Variants in PCDHGA12 observed in about 807,000 individuals in gnomAD.
The protein encoded by PCDHGA12 is protocadherin gamma-A12.
In PCDHGA12, 43 loss-of-function variants were observed where a neutral mutation model predicts 61.1. The observed-to-expected ratio is 0.70, with a 90% CI of 0.55 to 0.91. The LOEUF (loss-of-function observed/expected upper bound fraction) is 0.91. PCDHGA12 is among the 40% of genes least tolerant of loss of function. PCDHGA12 has a pLI of 0.00. For synonymous variants in PCDHGA12, 520 were observed against 542.9 expected, an observed-to-expected ratio of 0.96 and a Z score of 0.59; for missense variants, 1,236 against 1,227.7, an observed-to-expected ratio of 1.01 and a Z score of -0.10.
intron 2 of PCDHGA12, among the ~76,000 whole-genome samples, chr5:141,503,682 G>A (rs1430771639): frequency 1.3e-5 from 2 of 151,974 alleles, no homozygotes; most frequent in South Asian, 4.1e-4. Flanking sequence ...CTTTTGGGAA[G>A]GAGAATTGAG....
chr5:141,431,333 C>T lies in PCDHGA12; in HGVS notation c.574C>T (p.Pro192Ser). 1 of 1,614,058 alleles carries T rather than the reference C, an allele frequency of 6.2e-7. No individual in the cohort carries two copies. Among genetic ancestry groups the T allele is most frequent in the Non-Finnish European group, 8.5e-7 (1 of 1,180,030 alleles). Residue 192 changes from proline (P) to serine (S), a missense_variant, in exon 1 of 4, where the codon CCC becomes TCC. Pro to Ser is a moderately conservative substitution (Grantham distance 74). Coordinates refer to ENST00000252085, the MANE Select transcript of PCDHGA12 (RefSeq NM_003735.3). The surrounding 1 kb of genome is among the most constrained non-coding windows in gnomAD (Gnocchi z 4.8). Reference protein sequence around the residue: ...VQNGADGSKYPELVLKRALDR... With the variant: ...VQNGADGSKYSELVLKRALDR... ...AAATGGAGCCGACGGTAGTAAGTAC[C>T]CCGAATTGGTGCTGAAACGCGCCCT...
intron 1 of PCDHGA12, among the ~76,000 whole-genome samples, chr5:141,494,328 G>T (rs1595238527): frequency 6.6e-6 from 1 of 152,200 alleles, no homozygotes; most frequent in Non-Finnish European, 1.5e-5. Flanking sequence ...CACCAAAAGG[G>T]TTACCAAGAA....
At chr5:141,454,850 C>T (rs1208208678) in intron 1 of PCDHGA12, among the ~76,000 whole-genome samples, 3 of 132,848 alleles carry the variant, frequency 2.3e-5, no homozygotes, top group Non-Finnish European at 4.6e-5. Flanking sequence ...CTCTGTCACC[C>T]AGGCTGGAGT....
At chr5:141,463,103 A>G (rs1235750988) in intron 1 of PCDHGA12, among the ~76,000 whole-genome samples, 1 of 152,206 alleles carries the variant, frequency 6.6e-6, no homozygotes, top group African/African-American at 2.4e-5. Context: ...GTGACCATCA[A>G]GAATTCAGCT....
chr5:141,464,973 TTC>T (rs2154568681), intron 1 of PCDHGA12, among the ~76,000 whole-genome samples: 1 of 152,092 alleles, frequency 6.6e-6, no homozygotes, highest in East Asian at 1.9e-4. Flanking sequence ...AACTACTGGC[TTC>T]AAGTGATCCT....
intron 2 of PCDHGA12, among the ~76,000 whole-genome samples, chr5:141,499,879 G>C (rs1470090790): frequency 9.2e-5 from 14 of 151,952 alleles, no homozygotes. Flanking sequence ...GTACAAACAG[G>C]GTTTCGCCAT....
chr5:141,432,919 C>T lies in PCDHGA12; in HGVS notation c.2160C>T (p.His720=). ...TGGCGCTCAGGCTGCGGCGCTGGCACAAGTCACGCCTGCTGCAGGCTTCAG... is the reference window on the plus strand; with the variant it reads ...TGGCGCTCAGGCTGCGGCGCTGGCATAAGTCACGCCTGCTGCAGGCTTCAG... The part of the protein sequence containing the change: ...LLLALRLRRW[H]KSRLLQASGG... Residue 720 remains histidine (H), a synonymous_variant, in exon 1 of 4, where the codon CAC becomes CAT. Coordinates refer to ENST00000252085, the MANE Select transcript of PCDHGA12 (RefSeq NM_003735.3). The surrounding 1 kb of genome is among the most constrained non-coding windows in gnomAD (Gnocchi z 6.0). The T allele has an allele frequency of 2.5e-6, 4 of 1,614,210 alleles. No individual in the cohort carries two copies. Among genetic ancestry groups the T allele is most frequent in the Non-Finnish European group, 3.4e-6 (4 of 1,180,040 alleles).
chr5:141,483,872 T>A (rs1373802168), intron 1 of PCDHGA12, among the ~76,000 whole-genome samples: 1 of 152,080 alleles, frequency 6.6e-6, no homozygotes, highest in African/African-American at 2.4e-5. Context: ...CAGATCAGGA[T>A]GGATTTTTCT....
intron 2 of PCDHGA12, among the ~76,000 whole-genome samples, chr5:141,504,748 T>A (rs979724181): frequency 7.2e-5 from 11 of 151,880 alleles, no homozygotes; most frequent in Non-Finnish European, 1.3e-4. Context: ...CCATTGAATT[T>A]TAGAAATTTC....
At position 141,431,178 on chromosome 5, in the gene PCDHGA12, T is replaced by A; in HGVS notation, c.419T>A (p.Ile140Lys). 2 of 1,614,078 alleles carry A rather than the reference T, an allele frequency of 1.2e-6. No individual in the cohort carries two copies. Among genetic ancestry groups the A allele is most frequent in the Non-Finnish European group, 1.7e-6 (2 of 1,180,000 alleles). Residue 140 changes from isoleucine to lysine, a missense_variant, in exon 1 of 4, where the codon ATA becomes AAA. Physicochemically the swap from Ile to Lys is moderately radical, Grantham distance 102. Coordinates refer to ENST00000252085, the MANE Select transcript of PCDHGA12 (RefSeq NM_003735.3). This position sits in a 1 kb window ranked among gnomAD's most constrained non-coding sequence, Gnocchi z 4.8. ...TACTTTCGTGAAAGTGAATTAGAAATAAAAATTAGTGAAAATGCAGCCACT... is the reference window on the plus strand; with the variant it reads ...TACTTTCGTGAAAGTGAATTAGAAAAAAAAATTAGTGAAAATGCAGCCACT... ...APYFRESELE[I>K]KISENAATEM... is the part of the protein sequence containing the mutation.
chr5:141,479,466 C>G (rs1004384273), intron 1 of PCDHGA12: 1 of 152,224 alleles, frequency 6.6e-6, no homozygotes, highest in Non-Finnish European at 1.5e-5. Flanking sequence ...AATACAGTGA[C>G]CTCTTGGGAG....
rs2099629540 is a variant in PCDHGA12, at chr5:141,486,436, T to C, written c.2425-8371T>C. 2 of 1,614,188 alleles carry C rather than the reference T, an allele frequency of 1.2e-6. No individual in the cohort carries two copies. The highest frequency in any genetic ancestry group is 1.7e-6 in the Non-Finnish European group (2 of 1,180,020). On this transcript the variant is annotated intron_variant, in intron 1 of 3. Coordinates refer to ENST00000252085, the MANE Select transcript of PCDHGA12 (RefSeq NM_003735.3). This position sits in a 1 kb window ranked among gnomAD's most constrained non-coding sequence, Gnocchi z 5.0. ...TGGATCGAGAGGCCAAATCTAGCTA[T>C]GACATCATGGTCACTGCTTCTGATG... is the stretch of plus-strand genomic sequence containing the variant.
chr5:141,462,656 A>G (rs1427673992), intron 1 of PCDHGA12, among the ~76,000 whole-genome samples: 2 of 151,950 alleles, frequency 1.3e-5, no homozygotes, highest in African/African-American at 4.8e-5. Context: ...ATCCTCAATT[A>G]TCTTCATATT....
intron 1 of PCDHGA12, among the ~76,000 whole-genome samples, chr5:141,446,868 C>T (rs980547855): frequency 6.6e-6 from 1 of 152,160 alleles, no homozygotes; most frequent in Non-Finnish European, 1.5e-5. Flanking sequence ...TAGCTCTACA[C>T]TGGTATGTTT....
chr5:141,462,009 G>A (rs2099028674), intron 1 of PCDHGA12, among the ~76,000 whole-genome samples: 1 of 152,190 alleles, frequency 6.6e-6, no homozygotes, highest in Admixed American at 6.5e-5. Context: ...TTTTAATAGA[G>A]ACGGGGTTTC....
chr5:141,489,112 A>C lies in PCDHGA12; in HGVS notation c.2425-5695A>C. 3 of 412,420 alleles carry C rather than the reference A, an allele frequency of 7.3e-6. No individual in the cohort carries two copies. Among genetic ancestry groups the C allele is most frequent in the South Asian group, 4.2e-5 (1 of 23,838 alleles). The allele number at this position is 412,420 out of a possible 1,614,324, so 25.5% of individuals were successfully genotyped here. ...TGACTAAGAACTGCTGCAAGCAGGC[A>C]AACCTCCGAGCAGTTTTTAAGAGGC... is the stretch of plus-strand genomic sequence containing the variant. On this transcript the variant is annotated intron_variant, in intron 1 of 3. Coordinates refer to ENST00000252085, the MANE Select transcript of PCDHGA12 (RefSeq NM_003735.3). The surrounding 1 kb of genome is among the most constrained non-coding windows in gnomAD (Gnocchi z 4.5).
intron 1 of PCDHGA12, among the ~76,000 whole-genome samples, chr5:141,436,742 G>A (rs568532036): frequency 3.9e-4 from 59 of 152,304 alleles, no homozygotes; most frequent in Non-Finnish European, 7.1e-4. Flanking sequence ...ATTTTTGTGT[G>A]CTTCTCCATA....
chr5:141,457,942 T>C (rs2098933338), intron 1 of PCDHGA12, among the ~76,000 whole-genome samples: 1 of 152,226 alleles, frequency 6.6e-6, no homozygotes, highest in Non-Finnish European at 1.5e-5. Flanking sequence ...TTATTGGCTC[T>C]GCATGTCAAG....
In PCDHGA12 at chr5:141,432,143, C is replaced by G; in HGVS notation, c.1384C>G (p.Pro462Ala). 2 of 1,614,084 alleles carry G rather than the reference C, an allele frequency of 1.2e-6. No homozygotes were observed. Among genetic ancestry groups the G allele is most frequent in the Non-Finnish European group, 1.7e-6 (2 of 1,180,006 alleles). Reference sequence around the variant, plus strand: ...TCAGGCCTCCTATTCCGCTTATATCCCAGAGAACAATCCCAGAGGAGTTTC... The same window carrying G: ...TCAGGCCTCCTATTCCGCTTATATCGCAGAGAACAATCCCAGAGGAGTTTC... ...FPQASYSAYI[P>A]ENNPRGVSLV... Residue 462 changes from proline (P) to alanine (A), a missense_variant, in exon 1 of 4, where the codon CCA becomes GCA. By Grantham distance (27) the Pro-to-Ala change is conservative (BLOSUM62 -1). Coordinates refer to ENST00000252085, the MANE Select transcript of PCDHGA12 (RefSeq NM_003735.3). This position sits in a 1 kb window ranked among gnomAD's most constrained non-coding sequence, Gnocchi z 6.0.
Sources: gnomAD v4.1 joint callset for allele counts (sites outside exome capture counted in the v4.1 genomes callset) on GRCh38, gnomAD v4.1.1 for gene constraint, Gnocchi (gnomAD v3.1) non-coding constraint, MANE v1.5 for transcripts, NCBI Gene and HGNC (gene_info 2026-07-23, HGNC 2026-07-21) for gene names.